AKAP6: variants seen among roughly 807,000 people sequenced by gnomAD.
AKAP6 encodes the protein A-kinase anchoring protein 6.
In AKAP6, 58 loss-of-function variants were observed where a neutral mutation model predicts 188.5. That is an observed-to-expected ratio of 0.31 (90% confidence interval 0.25 to 0.38). The LOEUF is 0.38. Among genes scored for constraint, AKAP6 ranks in the 10% least tolerant of loss-of-function variants. The probability of loss-of-function intolerance (pLI) is 1.00; values close to 1 mark genes in which losing one functional copy is unlikely to be tolerated. For synonymous variants in AKAP6, 989 were observed against 998.6 expected, an observed-to-expected ratio of 0.99 and a Z score of 0.18; for missense variants, 2,710 against 2,740.0, an observed-to-expected ratio of 0.99 and a Z score of 0.24.
chr14:32,497,602 T>C (rs1383490252), intron 2 of AKAP6, among the ~76,000 whole-genome samples: 1 of 152,122 alleles, frequency 6.6e-6, no homozygotes, highest in Non-Finnish European at 1.5e-5. Context: ...ACTGTTTTGG[T>C]TGACTCTCCT....
At chr14:32,411,971 TAA>T (rs5807656) in intron 1 of AKAP6, among the ~76,000 whole-genome samples, 1 of 151,940 alleles carries the variant, frequency 6.6e-6, no homozygotes, top group East Asian at 1.9e-4. Flanking sequence ...GAAATGGCTT[TAA>T]AAAAAACACA....
At chr14:32,667,372 T>G (rs1272446862) in intron 7 of AKAP6, among the ~76,000 whole-genome samples, 1 of 152,152 alleles carries the variant, frequency 6.6e-6, no homozygotes, top group East Asian at 1.9e-4. Context: ...ACTGACACAC[T>G]GTTATGATTG....
intron 1 of AKAP6, among the ~76,000 whole-genome samples, chr14:32,376,984 C>T (rs1332870045): frequency 6.6e-6 from 1 of 152,184 alleles, no homozygotes; most frequent in Non-Finnish European, 1.5e-5. Flanking sequence ...CATGAGCCAC[C>T]GCGCCCAGCC....
intron 9 of AKAP6, among the ~76,000 whole-genome samples, chr14:32,718,134 T>C (rs2030325355): frequency 6.6e-6 from 1 of 152,190 alleles, no homozygotes; most frequent in African/African-American, 2.4e-5. Context: ...GAAATTCTAT[T>C]TGTGGATTTT....
intron 1 of AKAP6, among the ~76,000 whole-genome samples, chr14:32,374,220 T>C (rs923109185): frequency 2.7e-5 from 4 of 150,230 alleles, no homozygotes; most frequent in African/African-American, 7.5e-5. Context: ...GCTAGTGCAG[T>C]TGGGAAAAAC....
At chr14:32,456,874 A>C (rs1157372542) in intron 2 of AKAP6, among the ~76,000 whole-genome samples, 1 of 152,242 alleles carries the variant, frequency 6.6e-6, no homozygotes, top group Admixed American at 6.5e-5. Flanking sequence ...TAGGAGAAAT[A>C]ATTTATATGA....
At chr14:32,590,559 A>G (rs565134648) in intron 5 of AKAP6, among the ~76,000 whole-genome samples, 66 of 152,184 alleles carry the variant, frequency 4.3e-4, no homozygotes, top group Non-Finnish European at 8.2e-4. Flanking sequence ...AACAAATGTT[A>G]TAAATCATCA....
chr14:32,462,516 C>T (rs1891364835), intron 2 of AKAP6, among the ~76,000 whole-genome samples: 1 of 152,092 alleles, frequency 6.6e-6, no homozygotes, highest in Non-Finnish European at 1.5e-5. Context: ...TCTTTATAGA[C>T]AGCAAATGTG....
rs1172437577 is a variant in AKAP6, at chr14:32,830,123, C to G, written c.*318C>G. 1 of 596,268 alleles carries G rather than the reference C, an allele frequency of 1.7e-6. No homozygotes were observed. Among genetic ancestry groups the G allele is most frequent in the African/African-American group, 1.9e-5 (1 of 53,092 alleles). The allele number at this position is 596,268 out of a possible 1,614,324, so 36.9% of individuals were successfully genotyped here. A position where few individuals can be genotyped will look rare whatever the true frequency, so the allele number is the denominator to read the frequency against. Reference sequence around the variant, plus strand: ...CCTCTCTCTCCAGCTAGACTTTTCTCTTTGCCTCCTCCCTTCCCTTCCACT... The same window carrying G: ...CCTCTCTCTCCAGCTAGACTTTTCTGTTTGCCTCCTCCCTTCCCTTCCACT... On this transcript the variant is annotated 3_prime_UTR_variant, in exon 14 of 14. Coordinates refer to ENST00000280979, the MANE Select transcript of AKAP6 (RefSeq NM_004274.5).
At chr14:32,715,884 G>C (rs1353239084) in intron 9 of AKAP6, among the ~76,000 whole-genome samples, 1 of 151,820 alleles carries the variant, frequency 6.6e-6, no homozygotes, top group Non-Finnish European at 1.5e-5. Flanking sequence ...AGTTATGCCA[G>C]AGATCATATT....
chr14:32,420,063 G>A (rs1889789452), intron 1 of AKAP6, among the ~76,000 whole-genome samples: 1 of 151,926 alleles, frequency 6.6e-6, no homozygotes. Context: ...TTTAATCTAG[G>A]TATTTTTTAA....
chr14:32,472,219 G>A (rs1301318324), intron 2 of AKAP6, among the ~76,000 whole-genome samples: 1 of 152,066 alleles, frequency 6.6e-6, no homozygotes, highest in Non-Finnish European at 1.5e-5. Flanking sequence ...TTTCCCCCAG[G>A]CTTTATACCT....
chr14:32,808,577 C>T (rs1031809986), intron 12 of AKAP6, among the ~76,000 whole-genome samples: 8 of 152,150 alleles, frequency 5.3e-5, no homozygotes, highest in Admixed American at 1.3e-4. Context: ...TTAAGAGATC[C>T]GAAATAATCC....
chr14:32,350,373 A>T (rs936978511), intron 1 of AKAP6, among the ~76,000 whole-genome samples: 2 of 152,218 alleles, frequency 1.3e-5, no homozygotes, highest in East Asian at 3.8e-4. Flanking sequence ...ATTATCAGAT[A>T]AACCGAGACT....
At chr14:32,709,920 G>A (rs927241759) in intron 9 of AKAP6, among the ~76,000 whole-genome samples, 2 of 151,788 alleles carry the variant, frequency 1.3e-5, no homozygotes. Flanking sequence ...TTTCAGTTTT[G>A]TCTACACTCC....
intron 9 of AKAP6, among the ~76,000 whole-genome samples, chr14:32,698,187 G>A (rs9788584): frequency 0.24 from 37,077 of 151,988 alleles, 5,571 homozygotes; most frequent in South Asian, 0.39. Flanking sequence ...ACTTCAGGTG[G>A]CTCCTAAATT....
At chr14:32,828,070 T>C (rs1361023519) in intron 13 of AKAP6, among the ~76,000 whole-genome samples, 2 of 152,212 alleles carry the variant, frequency 1.3e-5, no homozygotes, top group Non-Finnish European at 2.9e-5. Context: ...CCTTTTCTAC[T>C]TTATTGGTCT....
intron 9 of AKAP6, among the ~76,000 whole-genome samples, chr14:32,702,130 G>C (rs1890643378): frequency 6.6e-6 from 1 of 151,994 alleles, no homozygotes; most frequent in Admixed American, 6.5e-5. Flanking sequence ...CTCTTTTCCT[G>C]GTAGATTAAT....
At chr14:32,525,529 CTCTT>C (rs1332480261) in intron 2 of AKAP6, among the ~76,000 whole-genome samples, 1 of 152,172 alleles carries the variant, frequency 6.6e-6, no homozygotes, top group Non-Finnish European at 1.5e-5. Context: ...CTTCATCATT[CTCTT>C]TCTATCATCT....
Sources: allele counts gnomAD v4.1 joint callset (sites outside exome capture counted in the v4.1 genomes callset), GRCh38; gene constraint gnomAD v4.1.1; transcripts MANE v1.5; gene names NCBI Gene and HGNC (gene_info 2026-07-23, HGNC 2026-07-21).